Variants in RPS6KC1 observed in about 807,000 individuals in gnomAD.
The protein encoded by RPS6KC1 is inactive ribosomal protein S6 kinase delta-1.
A neutral mutation model predicts 103.8 loss-of-function variants in RPS6KC1; 54 were observed. The observed-to-expected ratio is 0.52, with a 90% CI of 0.42 to 0.65. The LOEUF is 0.65. RPS6KC1 is among the 30% of genes least tolerant of loss of function. The pLI, the probability that RPS6KC1 is intolerant of heterozygous loss-of-function variation, is 0.00. For missense variants in RPS6KC1, 1,151 were observed against 1,253.8 expected (o/e 0.92, Z 1.24); for synonymous variants, 439 against 438.7 (o/e 1.00, Z -0.01).
chr1:213,353,181 C>G, the RPS6KC1 span, among the ~76,000 whole-genome samples: 1 of 152,242 alleles, frequency 6.6e-6, no homozygotes, highest in Non-Finnish European at 1.5e-5. Flanking sequence ...CCAGCAGGGT[C>G]TTGAGCAATG....
chr1:213,087,748 C>T (rs567893413), intron 3 of RPS6KC1, among the ~76,000 whole-genome samples: 6 of 152,268 alleles, frequency 3.9e-5, no homozygotes, highest in South Asian at 2.1e-4. Flanking sequence ...ACCAAGGTGC[C>T]GCAGTCCTAT....
At chr1:213,789,876 T>G in the RPS6KC1 span, among the ~76,000 whole-genome samples, 2 of 152,206 alleles carry the variant, frequency 1.3e-5, no homozygotes, top group South Asian at 4.1e-4. Context: ...GAGATAGGCT[T>G]TTGCTACTTG....
At chr1:213,725,748 A>C in the RPS6KC1 span, among the ~76,000 whole-genome samples, 1 of 152,142 alleles carries the variant, frequency 6.6e-6, no homozygotes, top group South Asian at 2.1e-4. Context: ...ATTTCACATG[A>C]TTTTAATCAT....
the RPS6KC1 span, among the ~76,000 whole-genome samples, chr1:213,439,753 T>C: frequency 1.3e-5 from 2 of 152,182 alleles, no homozygotes; most frequent in African/African-American, 4.8e-5. Context: ...TTTTACTGTG[T>C]AATTATGGGG....
At chr1:213,838,584 G>GAA in the RPS6KC1 span, among the ~76,000 whole-genome samples, 1 of 146,518 alleles carries the variant, frequency 6.8e-6, no homozygotes, top group African/African-American at 2.5e-5. Context: ...ATTTTTCTGA[G>GAA]AAAAAAAAAA....
chr1:213,567,530 C>G, the RPS6KC1 span, among the ~76,000 whole-genome samples: 1 of 152,210 alleles, frequency 6.6e-6, no homozygotes, highest in Non-Finnish European at 1.5e-5. Context: ...ATTTCTCTCA[C>G]TTTCCAATTA....
At chr1:213,827,138 C>A in the RPS6KC1 span, among the ~76,000 whole-genome samples, 1 of 152,134 alleles carries the variant, frequency 6.6e-6, no homozygotes, top group Admixed American at 6.5e-5. Context: ...GTCGAGTAAG[C>A]CTGAATGCAG....
At chr1:213,680,769 T>C in the RPS6KC1 span, among the ~76,000 whole-genome samples, 2 of 152,088 alleles carry the variant, frequency 1.3e-5, no homozygotes, top group African/African-American at 4.8e-5. Context: ...GAGATGCTGC[T>C]CAGGGACTTT....
At chr1:213,572,115 G>T in the RPS6KC1 span, among the ~76,000 whole-genome samples, 1 of 152,326 alleles carries the variant, frequency 6.6e-6, no homozygotes, top group East Asian at 1.9e-4. Flanking sequence ...ATGGAGCTAG[G>T]CTGTGGAGTC....
the RPS6KC1 span, among the ~76,000 whole-genome samples, chr1:213,642,345 G>T: frequency 2.0e-5 from 3 of 152,070 alleles, no homozygotes; most frequent in Non-Finnish European, 2.9e-5. Flanking sequence ...GTGTGTATTT[G>T]CTTTATCTTA....
Position 213,158,123 on chromosome 1 carries a change from A to G in RPS6KC1, c.836-9735A>G, listed in dbSNP as rs577126358. Among the ~76,000 whole-genome samples the G allele has an allele frequency of 2.0e-5, 3 of 152,280 alleles. No homozygotes were observed. In the South Asian group the frequency reaches 6.2e-4, roughly 32 times the overall value. ...GTTTTTTTTTAATCCAGTCTTAGAA[A>G]TAATCTCTGCTTTTGATTAACATGT... On this transcript the variant is annotated intron_variant, in intron 6 of 14. Coordinates refer to ENST00000366960, the MANE Select transcript of RPS6KC1 (RefSeq NM_012424.6).
At chr1:213,697,966 C>A in the RPS6KC1 span, among the ~76,000 whole-genome samples, 1 of 152,112 alleles carries the variant, frequency 6.6e-6, no homozygotes, top group Non-Finnish European at 1.5e-5. Flanking sequence ...CACCTTCTTT[C>A]TTTCCTCCTC....
chr1:213,502,016 T>C, the RPS6KC1 span, among the ~76,000 whole-genome samples: 1 of 152,170 alleles, frequency 6.6e-6, no homozygotes, highest in South Asian at 2.1e-4. Flanking sequence ...GGTTGCATAA[T>C]TGTTGCTGTA....
At chr1:213,684,680 T>C in the RPS6KC1 span, among the ~76,000 whole-genome samples, 1 of 152,226 alleles carries the variant, frequency 6.6e-6, no homozygotes, top group Non-Finnish European at 1.5e-5. Context: ...CAGGGCCCCC[T>C]GGCCATACTG....
chr1:213,629,679 C>T, the RPS6KC1 span, among the ~76,000 whole-genome samples: 72 of 152,196 alleles, frequency 4.7e-4, no homozygotes, highest in African/African-American at 1.6e-3. Flanking sequence ...TTCCTAGCCT[C>T]GACGGTCTTT....
the RPS6KC1 span, among the ~76,000 whole-genome samples, chr1:213,697,583 C>A: frequency 6.6e-6 from 1 of 152,160 alleles, no homozygotes; most frequent in African/African-American, 2.4e-5. Context: ...GTCAAACACC[C>A]CAATTTGTGG....
chr1:213,692,269 C>T, the RPS6KC1 span, among the ~76,000 whole-genome samples: 12 of 152,018 alleles, frequency 7.9e-5, no homozygotes, highest in South Asian at 2.5e-3. Flanking sequence ...GTGGCACGTG[C>T]CTGTAGTCCC....
intron 8 of RPS6KC1, among the ~76,000 whole-genome samples, chr1:213,204,844 GTC>G (rs2093289446): frequency 6.6e-6 from 1 of 152,078 alleles, no homozygotes; most frequent in South Asian, 2.1e-4. Context: ...GTCCAGGGTA[GTC>G]TCAGTCTCCT....
chr1:213,592,084 G>A, the RPS6KC1 span, among the ~76,000 whole-genome samples: 3 of 152,118 alleles, frequency 2.0e-5, no homozygotes, highest in African/African-American at 2.4e-5. Context: ...GGGAAGCTGG[G>A]CAGTACTGCA....
Sources: gnomAD v4.1 joint callset for allele counts (sites outside exome capture counted in the v4.1 genomes callset) on GRCh38, gnomAD v4.1.1 for gene constraint, MANE v1.5 for transcripts, NCBI Gene and HGNC (gene_info 2026-07-23, HGNC 2026-07-21) for gene names.